Variants in GRID1 observed in about 807,000 individuals in gnomAD.
GRID1 encodes glutamate receptor ionotropic, delta-1.
A neutral mutation model predicts 98.0 loss-of-function variants in GRID1; 28 were observed. The ratio of observed to expected loss-of-function variants is 0.29; its 90% confidence interval spans 0.21 to 0.39. The LOEUF (loss-of-function observed/expected upper bound fraction) is 0.39. Among genes scored for constraint, GRID1 ranks in the 10% least tolerant of loss-of-function variants. The probability of loss-of-function intolerance (pLI) is 1.00; values close to 1 mark genes in which losing one functional copy is unlikely to be tolerated. For synonymous variants in GRID1, 553 were observed against 538.5 expected, an observed-to-expected ratio of 1.03 and a Z score of -0.37; for missense variants, 1,111 against 1,340.5, an observed-to-expected ratio of 0.83 and a Z score of 2.67.
chr10:86,025,164 T>G (rs1283435593), intron 4 of GRID1, among the ~76,000 whole-genome samples: 2 of 152,210 alleles, frequency 1.3e-5, no homozygotes, highest in Non-Finnish European at 2.9e-5. Flanking sequence ...ACTCAAATCC[T>G]GGCCCCCTCT....
chr10:85,784,512 C>T (rs1842408102), intron 8 of GRID1, among the ~76,000 whole-genome samples: 3 of 152,222 alleles, frequency 2.0e-5, no homozygotes, highest in Admixed American at 2.0e-4. Flanking sequence ...TTCAGCAACG[C>T]CCTGAATGAT....
chr10:85,998,169 A>G (rs1359550679), intron 4 of GRID1, among the ~76,000 whole-genome samples: 3 of 152,204 alleles, frequency 2.0e-5, no homozygotes, highest in Non-Finnish European at 4.4e-5. Context: ...TTTATAGAAT[A>G]CTTCACACAA....
At chr10:85,730,533 T>C (rs761327045) in intron 8 of GRID1, among the ~76,000 whole-genome samples, 1 of 152,182 alleles carries the variant, frequency 6.6e-6, no homozygotes, top group Non-Finnish European at 1.5e-5. Context: ...CTGCAGCCAA[T>C]GTCGAGAACC....
intron 2 of GRID1, among the ~76,000 whole-genome samples, chr10:86,253,099 A>C (rs2132050263): frequency 6.6e-6 from 1 of 152,380 alleles, no homozygotes; most frequent in East Asian, 1.9e-4. Context: ...CTGAGGTTAC[A>C]ATGAAATCCG....
chr10:85,683,171 T>C (rs944105072), intron 12 of GRID1, among the ~76,000 whole-genome samples: 2 of 152,156 alleles, frequency 1.3e-5, no homozygotes. Flanking sequence ...GAGACCTCAC[T>C]TTCTAGCAAG....
At position 85,789,214 on chromosome 10, in the gene GRID1, T is replaced by C. The variant is rs114651135; in HGVS notation, c.1234-59600A>G. On this transcript the variant is annotated intron_variant, in intron 8 of 15. Transcript: ENST00000327946. Reference sequence around the variant, plus strand: ...TCTATTTATGATCTATTTTCAAATTTCAGGATTGTGACTGTGTAAGCAGGA... The same window carrying C: ...TCTATTTATGATCTATTTTCAAATTCCAGGATTGTGACTGTGTAAGCAGGA... Among the ~76,000 whole-genome samples the C allele has an allele frequency of 1.0e-3, 159 of 152,252 alleles. 1 individual carries two copies. Among genetic ancestry groups the C allele is most frequent in the African/African-American group, 3.7e-3 (152 of 41,542 alleles).
At chr10:86,013,955 T>A (rs1342500950) in intron 4 of GRID1, among the ~76,000 whole-genome samples, 1 of 152,234 alleles carries the variant, frequency 6.6e-6, no homozygotes, top group Non-Finnish European at 1.5e-5. Flanking sequence ...CATCCCATGT[T>A]ATTCACAAAG....
chr10:86,269,526 T>C (rs1847153959), intron 2 of GRID1, among the ~76,000 whole-genome samples: 1 of 152,222 alleles, frequency 6.6e-6, no homozygotes, highest in African/African-American at 2.4e-5. Context: ...AGGAGTTCTC[T>C]TGGCCTCGGC....
intron 8 of GRID1, among the ~76,000 whole-genome samples, chr10:85,852,748 A>G (rs1843071585): frequency 6.6e-6 from 1 of 152,216 alleles, no homozygotes; most frequent in Admixed American, 6.5e-5. Flanking sequence ...CATGACCCAG[A>G]CCAATGCTGA....
chr10:86,268,136 C>T (rs928760425), intron 2 of GRID1, among the ~76,000 whole-genome samples: 2 of 152,224 alleles, frequency 1.3e-5, no homozygotes, highest in African/African-American at 4.8e-5. Flanking sequence ...CACAGAAAGA[C>T]ACACACGGGG....
chr10:85,757,541 T>C (rs1369161687), intron 8 of GRID1, among the ~76,000 whole-genome samples: 2 of 152,228 alleles, frequency 1.3e-5, no homozygotes, highest in African/African-American at 2.4e-5. Flanking sequence ...ATCCACAGGA[T>C]TGTGACTGAC....
chr10:86,007,319 C>T (rs1412206403), intron 4 of GRID1, among the ~76,000 whole-genome samples: 2 of 152,182 alleles, frequency 1.3e-5, no homozygotes, highest in East Asian at 3.9e-4. Context: ...CTGACACTGA[C>T]CGCTGGAATC....
chr10:86,026,850 A>G (rs972114054), intron 4 of GRID1, among the ~76,000 whole-genome samples: 2 of 152,198 alleles, frequency 1.3e-5, no homozygotes, highest in African/African-American at 4.8e-5. Flanking sequence ...CCAGTTCAGC[A>G]CATGCTGGCC....
chr10:85,693,314 A>G (rs1011646030), intron 12 of GRID1, among the ~76,000 whole-genome samples: 1 of 152,188 alleles, frequency 6.6e-6, no homozygotes, highest in Non-Finnish European at 1.5e-5. Context: ...GGAGACGGAG[A>G]GTGAGATACA....
intron 2 of GRID1, among the ~76,000 whole-genome samples, chr10:86,243,998 A>G (rs2814343): frequency 0.63 from 95,725 of 152,096 alleles, 30,648 homozygotes; most frequent in Non-Finnish European, 0.68. Context: ...CACTGTGTGT[A>G]CACATATATA....
At chr10:86,190,029 C>A (rs183417306) in intron 3 of GRID1, among the ~76,000 whole-genome samples, 1 of 152,278 alleles carries the variant, frequency 6.6e-6, no homozygotes, top group African/African-American at 2.4e-5. Flanking sequence ...GCCCTCCCTG[C>A]CTTCCAAAAC....
chr10:86,104,383 C>T (rs1844348443), intron 4 of GRID1, among the ~76,000 whole-genome samples: 1 of 152,204 alleles, frequency 6.6e-6, no homozygotes, highest in Admixed American at 6.5e-5. Context: ...GCATCCCACA[C>T]CTGTTTCCTC....
At chr10:85,844,361 G>A (rs886732710) in intron 8 of GRID1, among the ~76,000 whole-genome samples, 1 of 151,460 alleles carries the variant, frequency 6.6e-6, no homozygotes, top group African/African-American at 2.4e-5. Context: ...ACTATTCTGT[G>A]TGTTGGATGT....
At chr10:85,729,635 T>C in intron 8 of GRID1, 21 bp from the exon 9 acceptor site, 1 of 1,509,612 alleles carries the variant, frequency 6.6e-7, no homozygotes, top group Non-Finnish European at 9.2e-7. Flanking sequence ...AAAATAAAGA[T>C]TGTGAGGGAT....
Sources: gnomAD v4.1 joint callset for allele counts (sites outside exome capture counted in the v4.1 genomes callset) on GRCh38, gnomAD v4.1.1 for gene constraint, MANE v1.5 for transcripts, NCBI Gene and HGNC (gene_info 2026-07-23, HGNC 2026-07-21) for gene names.